Variants in ADAM23 observed in about 807,000 individuals in gnomAD.
The protein encoded by ADAM23 is disintegrin and metalloproteinase domain-containing protein 23.
ADAM23 carries 33 observed loss-of-function variants against 120.1 expected under a neutral mutation model. The observed-to-expected ratio is 0.27, with a 90% CI of 0.21 to 0.37. The LOEUF is 0.37. Ranked by LOEUF, ADAM23 falls within the 10% of genes least tolerant of loss-of-function variation. The pLI is 1.00. For missense variants in ADAM23, 862 were observed against 1,058.2 expected, an observed-to-expected ratio of 0.81 and a Z score of 2.57; for synonymous variants, 367 against 375.2, an observed-to-expected ratio of 0.98 and a Z score of 0.25.
intron 24 of ADAM23, chr2:206,605,844 T>TG: frequency 1.4e-6 from 1 of 693,532 alleles, no homozygotes; most frequent in Non-Finnish European, 2.6e-6. Flanking sequence ...ATTCTGGCCC[T>TG]GGGGGTGATT....
chr2:206,576,638 A>AAT (rs1304281204), intron 18 of ADAM23, among the ~76,000 whole-genome samples: 3 of 152,122 alleles, frequency 2.0e-5, no homozygotes, highest in African/African-American at 7.2e-5. Context: ...TAATTAAGAA[A>AAT]ATGGAATCTC....
At chr2:206,541,964 C>G (rs753679757) in intron 4 of ADAM23, 88 bp from the exon 5 acceptor site, 15 of 1,326,700 alleles carry the variant, frequency 1.1e-5, no homozygotes, top group Non-Finnish European at 1.6e-5. Context: ...ATATGCCCAT[C>G]CTTGCATTTC....
At chr2:206,452,903 GC>G (rs1465589441) in intron 2 of ADAM23, among the ~76,000 whole-genome samples, 2 of 152,076 alleles carry the variant, frequency 1.3e-5, no homozygotes, top group Non-Finnish European at 2.9e-5. Flanking sequence ...CCTCTTCTCT[GC>G]ATTGTGTTCT....
In ADAM23 at chr2:206,448,635, G is replaced by A. The variant is rs114346565; in HGVS notation, c.432+3111G>A. ...GCACCCCACAACCCCAAAGAGAGAG[G>A]CAGAAGGTTGAGTTGATCACCAATA... On this transcript the variant is annotated intron_variant, in intron 2 of 25. Transcript: ENST00000264377. Among the ~76,000 whole-genome samples the A allele has an allele frequency of 5.5e-4, 84 of 152,220 alleles. 1 individual carries two copies. The highest frequency in any genetic ancestry group is 1.6e-3 in the African/African-American group (65 of 41,524).
intron 3 of ADAM23, among the ~76,000 whole-genome samples, chr2:206,502,761 TA>T (rs1369861122): frequency 1.3e-5 from 2 of 152,200 alleles, no homozygotes; most frequent in Non-Finnish European, 2.9e-5. Flanking sequence ...TAGGTGTTCT[TA>T]AAAATTACAG....
chr2:206,561,088 C>A (rs1697755045), intron 11 of ADAM23, 40 bp from the exon 12 acceptor site: 2 of 1,566,016 alleles, frequency 1.3e-6, no homozygotes, highest in South Asian at 2.2e-5. Context: ...AAATGATGGT[C>A]CACCACGTTG....
At chr2:206,548,188 T>A (rs1307465586) in intron 7 of ADAM23, 93 bp from the exon 8 acceptor site, 1 of 1,142,526 alleles carries the variant, frequency 8.8e-7, no homozygotes, top group Non-Finnish European at 1.3e-6. Context: ...TTGACATATA[T>A]TATCAGTGCC....
chr2:206,549,548 C>T lies in ADAM23; in HGVS notation c.868-547C>T, dbSNP rs1697470006. On this transcript the variant is annotated intron_variant, in intron 8 of 25. Transcript: ENST00000264377. ...ACTGTAATAATTGCCAATATTTTTT[C>T]CTTTGAGAAATTGAGCAGTTAAGAA... Among the ~76,000 whole-genome samples, 7 of 151,754 alleles carry T rather than the reference C, an allele frequency of 4.6e-5. No homozygotes were observed. In the South Asian group the frequency reaches 1.4e-3, roughly 31 times the overall value.
intron 2 of ADAM23, among the ~76,000 whole-genome samples, chr2:206,448,857 T>C (rs530930199): frequency 6.6e-6 from 1 of 152,332 alleles, no homozygotes; most frequent in African/African-American, 2.4e-5. Context: ...ATATCTGTTA[T>C]GTAAATGGTA....
intron 2 of ADAM23, among the ~76,000 whole-genome samples, chr2:206,478,333 C>A (rs1421450707): frequency 6.6e-6 from 1 of 151,990 alleles, no homozygotes; most frequent in Non-Finnish European, 1.5e-5. Flanking sequence ...AATCTTAAAT[C>A]ATTTTATAGA....
At chr2:206,489,986 C>T (rs368248301) in intron 3 of ADAM23, among the ~76,000 whole-genome samples, 5 of 152,162 alleles carry the variant, frequency 3.3e-5, no homozygotes, top group South Asian at 2.1e-4. Context: ...TGCATTCGTA[C>T]GTTGAAGTTC....
At position 206,445,361 on chromosome 2, in the gene ADAM23, A is replaced by G; in HGVS notation, c.269A>G (p.Asp90Gly). 1 of 1,614,132 alleles carries G rather than the reference A, an allele frequency of 6.2e-7. No individual in the cohort carries two copies. The highest frequency in any genetic ancestry group is 8.5e-7 in the Non-Finnish European group (1 of 1,180,014). The change falls in exon 2 of 26, where the codon GAC becomes GGC. Residue 90 changes from aspartate to glycine, a missense_variant. Transcript: ENST00000264377. ...AATTTGGGAGTCCTGGCAGATGAAGACAATACATTGCAACAGAATAGCAGC... is the reference window on the plus strand; with the variant it reads ...AATTTGGGAGTCCTGGCAGATGAAGGCAATACATTGCAACAGAATAGCAGC... ...EKNLGVLADE[D>G]NTLQQNSSSN...
intron 3 of ADAM23, among the ~76,000 whole-genome samples, chr2:206,500,658 A>G (rs543672877): frequency 2.0e-5 from 3 of 152,218 alleles, no homozygotes; most frequent in African/African-American, 7.2e-5. Flanking sequence ...TGCCCTTGGC[A>G]TCAAGGGACC....
At chr2:206,573,647 C>G (rs1698051346) in intron 18 of ADAM23, among the ~76,000 whole-genome samples, 1 of 151,756 alleles carries the variant, frequency 6.6e-6, no homozygotes, top group South Asian at 2.1e-4. Flanking sequence ...ATTGGACATG[C>G]ATTAAGACAT....
intron 18 of ADAM23, among the ~76,000 whole-genome samples, chr2:206,581,940 C>T (rs184481023): frequency 3.9e-5 from 6 of 151,958 alleles, no homozygotes; most frequent in African/African-American, 9.6e-5. Flanking sequence ...TGCAGTGGTG[C>T]GATCTCGGCT....
chr2:206,455,035 G>A lies in ADAM23; in HGVS notation c.432+9511G>A, dbSNP rs933067061. 5.9e-5 allele frequency among the ~76,000 whole-genome samples: 9 copies of A among 152,218 alleles called. No individual in the cohort carries two copies. The South Asian group carries it at 6.2e-4, about 11-fold the overall frequency. Reference sequence around the variant, plus strand: ...AGCTCCAATAGGCAGTGCCCCAGTGGGGACTGTGTATGGAAGCTCCAACCA... The same window carrying A: ...AGCTCCAATAGGCAGTGCCCCAGTGAGGACTGTGTATGGAAGCTCCAACCA... On this transcript the variant is annotated intron_variant, in intron 2 of 25. Coordinates refer to ENST00000264377, the MANE Select transcript of ADAM23 (RefSeq NM_003812.4).
chr2:206,506,150 C>A (rs1037551668), intron 3 of ADAM23, among the ~76,000 whole-genome samples: 6 of 152,176 alleles, frequency 3.9e-5, no homozygotes, highest in Non-Finnish European at 7.3e-5. Flanking sequence ...ATAGAGGCTA[C>A]CAGATTTCAT....
In ADAM23 at chr2:206,481,244, G is replaced by T. The variant is rs771059445; in HGVS notation, c.445G>T (p.Ala149Ser). Residue 149 changes from alanine (A) to serine (S), a missense_variant, in exon 3 of 26, where the codon GCC becomes TCC. Transcript: ENST00000264377. Reference protein sequence around the residue: ...QQKHNKAVHLAQASFQIEAFG... With the variant: ...QQKHNKAVHLSQASFQIEAFG... ...TTTGAATCCATAGGCTGTCCATCTG[G>T]CCCAGGCAAGCTTCCAGATTGAAGC... 9 of 1,609,602 alleles carry T rather than the reference G, an allele frequency of 5.6e-6. No individual in the cohort carries two copies. In the Admixed American group the frequency reaches 6.8e-5, roughly 12 times the overall value.
intron 24 of ADAM23, among the ~76,000 whole-genome samples, chr2:206,603,688 TC>T (rs1232329105): frequency 6.6e-6 from 1 of 152,232 alleles, no homozygotes; most frequent in East Asian, 1.9e-4. Flanking sequence ...AAATGTCTCG[TC>T]CTCCGGTTGT....
Sources: gnomAD v4.1 joint callset for allele counts (sites outside exome capture counted in the v4.1 genomes callset) on GRCh38, gnomAD v4.1.1 for gene constraint, MANE v1.5 for transcripts, NCBI Gene and HGNC (gene_info 2026-07-23, HGNC 2026-07-21) for gene names.